Variants in GLYR1 observed in about 807,000 individuals in gnomAD.
The protein encoded by GLYR1 is cytokine-like nuclear factor N-PAC.
In GLYR1, 21 loss-of-function variants were observed where a neutral mutation model predicts 72.7. The ratio of observed to expected loss-of-function variants is 0.29; its 90% CI spans 0.20 to 0.42. The LOEUF is 0.42. GLYR1 is among the 10% of genes least tolerant of loss of function. The probability of loss-of-function intolerance (pLI) is 1.00; values close to 1 mark genes in which losing one functional copy is unlikely to be tolerated. For synonymous variants in GLYR1, 392 were observed against 270.2 expected (o/e 1.45, Z -4.42); for missense variants, 594 against 712.1 (o/e 0.83, Z 1.89).
chr16:4,829,072 C>T (rs138778499), intron 5 of GLYR1, among the ~76,000 whole-genome samples: 49 of 152,088 alleles, frequency 3.2e-4, no homozygotes, highest in African/African-American at 1.2e-3. Context: ...AAAGTTCTCT[C>T]TGCACTGCAG....
chr16:4,846,302 C>T (rs764979651), intron 1 of GLYR1, 92 bp from the exon 2 acceptor site: 4 of 1,389,120 alleles, frequency 2.9e-6, no homozygotes, highest in Non-Finnish European at 4.1e-6. Context: ...TCCTAAATCT[C>T]TGCTGGCATC....
chr16:4,813,179 G>GAGAC, intron 12 of GLYR1, among the ~76,000 whole-genome samples: 1 of 149,612 alleles, frequency 6.7e-6, no homozygotes, highest in South Asian at 2.1e-4. Flanking sequence ...TAGCCAGGAT[G>GAGAC]GTCTCGATCT....
At chr16:4,839,601 A>G (rs2033688583) in intron 3 of GLYR1, 1 of 152,148 alleles carries the variant, frequency 6.6e-6, no homozygotes. Context: ...TGTCTTGGCC[A>G]TCTCGCTCAG....
chr16:4,841,455 T>TAAAA (rs2085541862), intron 3 of GLYR1, among the ~76,000 whole-genome samples: 1 of 5,752 alleles, frequency 1.7e-4, no homozygotes. Flanking sequence ...AACTTGTCTC[T>TAAAA]ACAAAAAAAA....
intron 13 of GLYR1, 97 bp from the exon 14 acceptor site, chr16:4,811,899 G>A: frequency 6.8e-7 from 1 of 1,461,852 alleles, no homozygotes; most frequent in East Asian, 2.4e-5. Flanking sequence ...CTCTCTCCAG[G>A]GGAGGCCCCC....
intron 5 of GLYR1, 22 bp from the exon 6 acceptor site, chr16:4,823,929 ATT>A (rs1409087878): frequency 4.4e-6 from 7 of 1,597,020 alleles, no homozygotes; most frequent in African/African-American, 2.7e-5. Flanking sequence ...GGGGCAGGGC[ATT>A]TTAAAATCAC....
chr16:4,846,091 A>C (rs1222329027), intron 2 of GLYR1, 83 bp downstream of exon 2: 11 of 1,453,402 alleles, frequency 7.6e-6, no homozygotes, highest in African/African-American at 2.8e-5. Context: ...ACTCAATACT[A>C]GAAACTGAGA....
intron 3 of GLYR1, chr16:4,843,399 C>T: frequency 1.9e-6 from 2 of 1,035,580 alleles, no homozygotes; most frequent in East Asian, 6.9e-5. Flanking sequence ...CAGTGATCCA[C>T]CCACCTTGGC....
rs74003514 is a variant in GLYR1, at chr16:4,845,874, C to A, written c.75+300G>T. On this transcript the variant is annotated intron_variant, in intron 2 of 15. Coordinates refer to ENST00000321919, the MANE Select transcript of GLYR1 (RefSeq NM_032569.4). ...CTTCCTGGATAATTTATATTTTCTT[C>A]TCCTTTTGTTACATTTAAGCATAAA... Among the ~76,000 whole-genome samples, 345 of 152,294 alleles carry A rather than the reference C, an allele frequency of 2.3e-3. 1 individual carries two copies. The highest frequency in any genetic ancestry group is 7.7e-3 in the African/African-American group (322 of 41,562).
chr16:4,805,514 A>G (rs1270508966), intron 15 of GLYR1, among the ~76,000 whole-genome samples: 1 of 152,216 alleles, frequency 6.6e-6, no homozygotes, highest in African/African-American at 2.4e-5. Flanking sequence ...GGGAGAAGGA[A>G]CAGTACCCGG....
chr16:4,809,968 A>G (rs1463189223), intron 15 of GLYR1, among the ~76,000 whole-genome samples: 3 of 152,064 alleles, frequency 2.0e-5, no homozygotes, highest in African/African-American at 7.2e-5. Flanking sequence ...AAAAAAACCC[A>G]ATACAGGGCA....
rs143952862 is a variant in GLYR1 at position 4,828,899 on chromosome 16, G to C, written c.537+3080C>G. Among the ~76,000 whole-genome samples, 828 of 152,136 alleles carry C rather than the reference G, an allele frequency of 5.4e-3. 12 individuals carry two copies. The highest frequency in any genetic ancestry group is 0.019 in the African/African-American group (789 of 41,522). On this transcript the variant is annotated intron_variant, in intron 5 of 15. Coordinates refer to ENST00000321919, the MANE Select transcript of GLYR1 (RefSeq NM_032569.4). ...TCCAACGAGAAGGTATTTCTTTCCA[G>C]GGTGGCACAGGCACCGGTGAGATGC...
In GLYR1 at chr16:4,832,825, T is replaced by C. The variant is rs759381568; in HGVS notation, c.243A>G (p.Gln81=). 5.0e-6 allele frequency: 8 copies of C among 1,613,866 alleles called. 1 individual carries two copies. The Admixed American group carries it at 1.3e-4, about 27-fold the overall frequency. The change falls in exon 4 of 16, where the codon CAA becomes CAG. Residue 81 remains glutamine, a synonymous_variant. Transcript: ENST00000321919. ...GGAACTCTTCGACAGCATCTACCGC[T>C]TGCTGGAATCGTTTACCCTTGTTAA... is the stretch of plus-strand genomic sequence containing the variant. The part of the protein sequence containing the change: ...IKINKGKRFQ[Q]AVDAVEEFLR...
At chr16:4,825,586 T>A (rs2084327686) in intron 5 of GLYR1, among the ~76,000 whole-genome samples, 1 of 152,202 alleles carries the variant, frequency 6.6e-6, no homozygotes, top group South Asian at 2.1e-4. Context: ...GACATCACAA[T>A]AAGTCCTATT....
intron 5 of GLYR1, among the ~76,000 whole-genome samples, chr16:4,826,786 T>C (rs1417469165): frequency 6.6e-6 from 1 of 152,220 alleles, no homozygotes; most frequent in Non-Finnish European, 1.5e-5. Context: ...TTAATGTGCA[T>C]TTAATTTCAA....
Position 4,842,630 on chromosome 16 carries a change from G to A in GLYR1, c.155+2444C>T, listed in dbSNP as rs183319952. ...CCTGTCTTGGCCTCCCAAAGTGCTG[G>A]GATTACAGGCATGAGCCACTGTGCC... On this transcript the variant is annotated intron_variant, in intron 3 of 15. Coordinates refer to ENST00000321919, the MANE Select transcript of GLYR1 (RefSeq NM_032569.4). Among the ~76,000 whole-genome samples, 121 of 152,246 alleles carry A rather than the reference G, an allele frequency of 7.9e-4. No homozygotes were observed. In the East Asian group the frequency reaches 0.019, roughly 24 times the overall value.
At chr16:4,836,498 CTTT>C (rs2085140647) in intron 3 of GLYR1, among the ~76,000 whole-genome samples, 1 of 152,112 alleles carries the variant, frequency 6.6e-6, no homozygotes, top group Admixed American at 6.6e-5. Context: ...GGAGACTTTG[CTTT>C]TTATGTACAG....
At chr16:4,818,047 T>G (rs1596329485) in intron 9 of GLYR1, 1 of 188,706 alleles carries the variant, frequency 5.3e-6, no homozygotes, top group Non-Finnish European at 1.1e-5. Flanking sequence ...CAGGCTGGAG[T>G]GCAATGGCGC....
At chr16:4,820,798 G>A (rs2083963214) in intron 9 of GLYR1, among the ~76,000 whole-genome samples, 1 of 152,256 alleles carries the variant, frequency 6.6e-6, no homozygotes, top group Non-Finnish European at 1.5e-5. Flanking sequence ...AGCAGGCACA[G>A]AGGCAAGGCT....
Sources: gnomAD v4.1 joint callset for allele counts (sites outside exome capture counted in the v4.1 genomes callset) on GRCh38, gnomAD v4.1.1 for gene constraint, MANE v1.5 for transcripts, NCBI Gene and HGNC (gene_info 2026-07-23, HGNC 2026-07-21) for gene names.